Variants in PLS1 observed in about 807,000 individuals in gnomAD.
The protein encoded by PLS1 is plastin-1.
A neutral mutation model predicts 73.7 loss-of-function variants in PLS1; 32 were observed. That is an observed-to-expected ratio of 0.43 (90% CI 0.33 to 0.58). PLS1 has a LOEUF of 0.58. PLS1 is among the 20% of genes least tolerant of loss of function. The pLI, the probability that PLS1 is intolerant of heterozygous loss-of-function variation, is 0.04. For missense variants in PLS1, 633 were observed against 740.5 expected (o/e 0.85, Z 1.68); for synonymous variants, 217 against 261.3 (o/e 0.83, Z 1.63).
chr3:142,649,335 C>CGAAAAA (rs2037029202), intron 1 of PLS1, among the ~76,000 whole-genome samples: 1 of 93,522 alleles, frequency 1.1e-5, no homozygotes, highest in African/African-American at 4.5e-5. Flanking sequence ...GACCCTATGT[C>CGAAAAA]AAAAAAAAAA....
intron 1 of PLS1, among the ~76,000 whole-genome samples, chr3:142,635,874 C>T (rs147513109): frequency 2.6e-5 from 4 of 151,842 alleles, no homozygotes; most frequent in Admixed American, 6.6e-5. Context: ...TGTGTGTGTG[C>T]GTGTGTTTTG....
chr3:142,601,028 A>T (rs2035917723), intron 1 of PLS1, among the ~76,000 whole-genome samples: 2 of 137,980 alleles, frequency 1.4e-5, no homozygotes, highest in African/African-American at 5.4e-5. Flanking sequence ...GGTTCACGCC[A>T]TTCTCCTGCC....
In PLS1 at chr3:142,649,335, C is replaced by CAAAAAAA. The variant is rs3055060; in HGVS notation, c.-36-14855_-36-14849dup. ...TGGGTAACAGAGTGAGACCCTATGT[C>CAAAAAAA]AAAAAAAAAAAAAAAAAAGGCCAGG... On this transcript the variant is annotated intron_variant, in intron 1 of 15. Transcript: ENST00000457734. Among the ~76,000 whole-genome samples, 76 of 93,448 alleles carry CAAAAAAA rather than the reference C, an allele frequency of 8.1e-4. 3 individuals are homozygous for CAAAAAAA. The highest frequency in any genetic ancestry group is 3.0e-3 in the African/African-American group (68 of 22,428). The allele number at this position is 93,448 out of a possible 152,430, so 61.3% of individuals were successfully genotyped here. A position where few individuals can be genotyped will look rare whatever the true frequency, so the allele number is the denominator to read the frequency against.
At chr3:142,614,152 T>C (rs1577775085) in intron 1 of PLS1, among the ~76,000 whole-genome samples, 1 of 152,232 alleles carries the variant, frequency 6.6e-6, no homozygotes, top group East Asian at 1.9e-4. Context: ...TATTCGTTCA[T>C]GATCTGTACA....
At chr3:142,622,610 T>C (rs1235162319) in intron 1 of PLS1, among the ~76,000 whole-genome samples, 5 of 152,226 alleles carry the variant, frequency 3.3e-5, no homozygotes, top group Non-Finnish European at 5.9e-5. Context: ...GGAGCCATCA[T>C]AAAAGATGTT....
chr3:142,679,559 A>G (rs903123170), intron 6 of PLS1, among the ~76,000 whole-genome samples: 35 of 152,146 alleles, frequency 2.3e-4, no homozygotes, highest in South Asian at 8.3e-4. Context: ...GTTTTTCTCC[A>G]GTTTGTCAAA....
intron 1 of PLS1, among the ~76,000 whole-genome samples, chr3:142,620,369 C>T (rs2036292796): frequency 6.6e-6 from 1 of 152,164 alleles, no homozygotes; most frequent in Non-Finnish European, 1.5e-5. Context: ...TCAGGTTATC[C>T]ACCCGTCTCA....
intron 1 of PLS1, chr3:142,597,257 GTA>G (rs1293344130): frequency 6.6e-6 from 1 of 152,150 alleles, no homozygotes; most frequent in Admixed American, 6.5e-5. Flanking sequence ...GGATACACTT[GTA>G]TGAGGCTTCA....
At chr3:142,605,726 A>C (rs1211012113) in intron 1 of PLS1, among the ~76,000 whole-genome samples, 1 of 152,230 alleles carries the variant, frequency 6.6e-6, no homozygotes, top group East Asian at 1.9e-4. Flanking sequence ...AAAAGTCTAA[A>C]TGTATTTTAT....
intron 14 of PLS1, among the ~76,000 whole-genome samples, 176 bp from the exon 15 acceptor site, chr3:142,711,325 A>T (rs1252428623): frequency 1.3e-5 from 2 of 152,190 alleles, no homozygotes; most frequent in Non-Finnish European, 2.9e-5. Context: ...TAAAGATTCA[A>T]GGAAAAGTAT....
intron 11 of PLS1, among the ~76,000 whole-genome samples, chr3:142,696,045 C>T (rs941016757): frequency 6.6e-6 from 1 of 152,202 alleles, no homozygotes; most frequent in African/African-American, 2.4e-5. Context: ...CTGCCTGCCT[C>T]GGCCTCCCAA....
intron 11 of PLS1, among the ~76,000 whole-genome samples, chr3:142,696,550 G>T (rs2038209083): frequency 6.6e-6 from 1 of 151,744 alleles, no homozygotes; most frequent in Non-Finnish European, 1.5e-5. Flanking sequence ...CTATAGTATA[G>T]CCAGCCCATA....
rs886872415 is a variant in PLS1, at chr3:142,632,573, A to T, written c.-36-31629A>T. On this transcript the variant is annotated intron_variant, in intron 1 of 15. Transcript: ENST00000457734. ...ATCCAGCAATTCCACCTCTAGGTAT[A>T]TATTTGAAAAAATTTAGAGCAGGAT... 3.3e-5 allele frequency among the ~76,000 whole-genome samples: 5 copies of T among 150,238 alleles called. No individual in the cohort carries two copies. In the Admixed American group the frequency reaches 3.3e-4, roughly 10 times the overall value.
chr3:142,697,643 A>G (rs1045379293), intron 11 of PLS1, among the ~76,000 whole-genome samples: 5 of 152,308 alleles, frequency 3.3e-5, no homozygotes, highest in East Asian at 1.9e-4. Context: ...CTTATGTCCA[A>G]TGGTGGCCAA....
At position 142,712,335 on chromosome 3, in the gene PLS1, T is replaced by G. The variant is rs1172319295; in HGVS notation, c.*328T>G. ...GGTTCAAAAAAGATGAATACAAACG[T>G]TTTTGCAGGTTCTGCTGTGAAATGT... On this transcript the variant is annotated 3_prime_UTR_variant, in exon 16 of 16. Coordinates refer to ENST00000457734, the MANE Select transcript of PLS1 (RefSeq NM_001145319.2). 5.6e-6 allele frequency: 1 copy of G among 178,514 alleles called. No individual in the cohort carries two copies. Among genetic ancestry groups the G allele is most frequent in the Non-Finnish European group, 1.2e-5 (1 of 84,900 alleles). 11.1% of individuals were successfully genotyped at this position (178,514 alleles called of 1,614,324 possible).
chr3:142,598,933 G>A (rs972948749), intron 1 of PLS1, among the ~76,000 whole-genome samples: 2 of 151,772 alleles, frequency 1.3e-5, no homozygotes, highest in African/African-American at 2.4e-5. Flanking sequence ...CCCGGGAGGC[G>A]GAGCTTGCAG....
intron 1 of PLS1, among the ~76,000 whole-genome samples, chr3:142,604,354 T>C (rs2035981906): frequency 6.6e-6 from 1 of 152,230 alleles, no homozygotes; most frequent in South Asian, 2.1e-4. Context: ...TGTCTCTTCC[T>C]GGAGAGCACT....
At chr3:142,615,760 C>A (rs1461870784) in intron 1 of PLS1, among the ~76,000 whole-genome samples, 1 of 152,092 alleles carries the variant, frequency 6.6e-6, no homozygotes, top group Non-Finnish European at 1.5e-5. Context: ...AGGGAAGGGG[C>A]AAACCATGTA....
intron 1 of PLS1, among the ~76,000 whole-genome samples, chr3:142,655,902 G>A (rs1349444167): frequency 6.6e-6 from 1 of 152,044 alleles, no homozygotes; most frequent in East Asian, 1.9e-4. Context: ...AAATAAAATT[G>A]TCTTTTTAAA....
Sources: allele counts gnomAD v4.1 joint callset (sites outside exome capture counted in the v4.1 genomes callset), GRCh38; gene constraint gnomAD v4.1.1; transcripts MANE v1.5; gene names NCBI Gene and HGNC (gene_info 2026-07-23, HGNC 2026-07-21).